The following COL4A4 variants were observed in gnomAD, a reference collection of about 807,000 sequenced individuals.
COL4A4 encodes collagen type IV alpha 4 chain, also known as collagen alpha-4(IV) chain.
COL4A4 carries 105 observed loss-of-function variants against 192.9 expected under a neutral mutation model. The ratio of observed to expected loss-of-function variants is 0.54; its 90% CI spans 0.46 to 0.64. The LOEUF is 0.64. COL4A4 is among the 30% of genes least tolerant of loss of function. COL4A4 has a pLI of 0.00. For synonymous variants in COL4A4, 762 were observed against 769.9 expected (o/e 0.99, Z 0.17); for missense variants, 1,967 against 2,169.3 (o/e 0.91, Z 1.85).
At chr2:227,077,493 A>C (rs757589700) in intron 25 of COL4A4, among the ~76,000 whole-genome samples, 3 of 152,026 alleles carry the variant, frequency 2.0e-5, no homozygotes, top group Non-Finnish European at 4.4e-5. Flanking sequence ...GAGACCTGTC[A>C]GGGGGTCAGG....
intron 1 of COL4A4, among the ~76,000 whole-genome samples, chr2:227,148,218 C>G (rs1357854082): frequency 6.6e-6 from 1 of 152,140 alleles, no homozygotes; most frequent in African/African-American, 2.4e-5. Context: ...TTCATGGAAG[C>G]ATATTCATAA....
chr2:227,151,301 T>C (rs1171505824), intron 1 of COL4A4, among the ~76,000 whole-genome samples: 1 of 152,232 alleles, frequency 6.6e-6, no homozygotes, highest in Non-Finnish European at 1.5e-5. Flanking sequence ...TTATTAGTAG[T>C]ATATAATTCA....
the COL4A4 span, chr2:226,995,497 G>A: frequency 8.4e-5 from 136 of 1,612,464 alleles, no homozygotes; most frequent in South Asian, 1.1e-3. Context: ...AGGAGACAGC[G>A]GCTTCACAGA....
chr2:227,161,973 C>T (rs1190290545), intron 1 of COL4A4, among the ~76,000 whole-genome samples: 1 of 152,070 alleles, frequency 6.6e-6, no homozygotes, highest in Non-Finnish European at 1.5e-5. Flanking sequence ...TATGTGACTA[C>T]TGTGTGAAGA....
intron 18 of COL4A4, among the ~76,000 whole-genome samples, 163 bp from the exon 19 acceptor site, chr2:227,098,961 C>A (rs2060355900): frequency 6.6e-6 from 1 of 152,248 alleles, no homozygotes; most frequent in South Asian, 2.1e-4. Flanking sequence ...ACCGCCTTGG[C>A]TGTGCCTCTT....
At chr2:227,057,005 A>G (rs574033343) in intron 29 of COL4A4, among the ~76,000 whole-genome samples, 1 of 152,212 alleles carries the variant, frequency 6.6e-6, no homozygotes, top group South Asian at 2.1e-4. Flanking sequence ...ATTAGGAGAC[A>G]CTCCAGGGGT....
At chr2:227,031,680 T>C (rs186355577) in intron 40 of COL4A4, among the ~76,000 whole-genome samples, 37 of 152,260 alleles carry the variant, frequency 2.4e-4, no homozygotes, top group Non-Finnish European at 4.9e-4. Flanking sequence ...AAGAAACGCT[T>C]GCTTATCAGT....
At chr2:227,028,509 T>C (rs935887827) in intron 41 of COL4A4, among the ~76,000 whole-genome samples, 7 of 152,120 alleles carry the variant, frequency 4.6e-5, no homozygotes, top group African/African-American at 1.4e-4. Context: ...CAGGGAAGCC[T>C]TCCCTGGAAT....
intron 25 of COL4A4, 134 bp from the exon 26 acceptor site, chr2:227,062,732 A>C: frequency 1.4e-6 from 1 of 706,158 alleles, no homozygotes; most frequent in South Asian, 1.6e-5. Flanking sequence ...AAGACTCCCA[A>C]GTATCATTAG....
the COL4A4 span, among the ~76,000 whole-genome samples, chr2:226,977,000 C>T: frequency 6.6e-6 from 1 of 152,198 alleles, no homozygotes; most frequent in Non-Finnish European, 1.5e-5. Flanking sequence ...GCACAAGACT[C>T]GGGTTCCTGG....
intron 42 of COL4A4, among the ~76,000 whole-genome samples, chr2:227,026,769 C>G (rs1053195333): frequency 6.6e-6 from 1 of 152,110 alleles, no homozygotes; most frequent in Non-Finnish European, 1.5e-5. Flanking sequence ...AAAGTGTTGC[C>G]TATAGAGTTA....
chr2:227,156,379 A>G (rs1314477646), intron 1 of COL4A4, among the ~76,000 whole-genome samples: 1 of 144,498 alleles, frequency 6.9e-6, no homozygotes, highest in Admixed American at 7.2e-5. Context: ...CCTAGGTGAC[A>G]CAGTGAAACC....
intron 12 of COL4A4, among the ~76,000 whole-genome samples, chr2:227,106,077 A>G (rs2060823585): frequency 6.6e-6 from 1 of 150,836 alleles, no homozygotes; most frequent in Admixed American, 6.6e-5. Context: ...ATTTCTACCT[A>G]AACCTGGGAA....
intron 4 of COL4A4, among the ~76,000 whole-genome samples, chr2:227,133,562 C>T (rs1015576735): frequency 6.6e-6 from 1 of 152,104 alleles, no homozygotes; most frequent in Non-Finnish European, 1.5e-5. Flanking sequence ...AGGGATCCTT[C>T]CTTTACTCTC....
At chr2:227,151,830 T>C (rs1254963160) in intron 1 of COL4A4, among the ~76,000 whole-genome samples, 1 of 152,188 alleles carries the variant, frequency 6.6e-6, no homozygotes, top group Non-Finnish European at 1.5e-5. Flanking sequence ...GCACCATCTG[T>C]AAAGCAGAAA....
downstream of COL4A4, chr2:226,998,218 T>C (rs1184249621): frequency 1.3e-5 from 2 of 151,928 alleles, no homozygotes; most frequent in African/African-American, 2.4e-5. Context: ...GTATTGCCTG[T>C]GATTCCAAAG....
the COL4A4 span, among the ~76,000 whole-genome samples, chr2:226,984,654 C>T: frequency 5.9e-5 from 9 of 152,116 alleles, no homozygotes; most frequent in Non-Finnish European, 1.5e-5. Flanking sequence ...GCCCTGGGGT[C>T]GTAGGCTAAG....
At chr2:227,021,905 G>T (rs1018063410) in intron 44 of COL4A4, 143 bp downstream of exon 44, 2 of 850,878 alleles carry the variant, frequency 2.4e-6, no homozygotes, top group African/African-American at 1.7e-5. Context: ...TTTGGATCAA[G>T]GTAGAAACAA....
the COL4A4 span, among the ~76,000 whole-genome samples, chr2:226,992,854 C>CA: frequency 6.6e-6 from 1 of 152,182 alleles, no homozygotes; most frequent in African/African-American, 2.4e-5. Flanking sequence ...CATGCTAGCT[C>CA]AGTGACCTCA....
Sources: gnomAD v4.1 joint callset for allele counts (sites outside exome capture counted in the v4.1 genomes callset) on GRCh38, gnomAD v4.1.1 for gene constraint, MANE v1.5 for transcripts, NCBI Gene and HGNC (gene_info 2026-07-23, HGNC 2026-07-21) for gene names.